Variants in ERC2 observed in about 807,000 individuals in gnomAD.
The protein encoded by ERC2 is ELKS/RAB6-interacting/CAST family member 2, also known as ERC protein 2.
In ERC2, 42 loss-of-function variants were observed where a neutral mutation model predicts 114.8. That is an observed-to-expected ratio of 0.37 (90% CI 0.29 to 0.47). ERC2 has a LOEUF of 0.47. ERC2 is among the 20% of genes least tolerant of loss of function. ERC2 has a pLI of 0.99. For synonymous variants in ERC2, 454 were observed against 425.5 expected, an observed-to-expected ratio of 1.07 and a Z score of -0.82; for missense variants, 939 against 1,150.7, an observed-to-expected ratio of 0.82 and a Z score of 2.66.
chr3:56,137,040 A>G (rs1053911107), intron 6 of ERC2, among the ~76,000 whole-genome samples: 20 of 152,190 alleles, frequency 1.3e-4, no homozygotes, highest in Admixed American at 1.2e-3. Context: ...TTCATGAAAT[A>G]TGTATAGGTC....
At chr3:56,381,556 A>T (rs1381710717) in intron 2 of ERC2, among the ~76,000 whole-genome samples, 2 of 152,112 alleles carry the variant, frequency 1.3e-5, no homozygotes, top group African/African-American at 2.4e-5. Context: ...TTTAAAAAAA[A>T]ATATGTTAGC....
intron 3 of ERC2, 96 bp from the exon 4 acceptor site, chr3:56,173,616 TC>T (rs2082803371): frequency 8.7e-7 from 1 of 1,146,520 alleles, no homozygotes; most frequent in Non-Finnish European, 1.3e-6. Context: ...GGGTCCTGGT[TC>T]CCCTTGCACA....
At chr3:56,227,134 C>T (rs1575949279) in intron 3 of ERC2, among the ~76,000 whole-genome samples, 1 of 152,204 alleles carries the variant, frequency 6.6e-6, no homozygotes, top group Non-Finnish European at 1.5e-5. Context: ...TTTGCAAATA[C>T]CCTCACATCC....
At chr3:56,131,008 A>G (rs1416719183) in intron 6 of ERC2, among the ~76,000 whole-genome samples, 1 of 152,166 alleles carries the variant, frequency 6.6e-6, no homozygotes, top group Non-Finnish European at 1.5e-5. Context: ...GGGAGGGGAA[A>G]GTGTGTTGTT....
intron 6 of ERC2, among the ~76,000 whole-genome samples, chr3:56,116,779 G>C (rs545623736): frequency 2.0e-5 from 3 of 152,264 alleles, no homozygotes; most frequent in African/African-American, 7.2e-5. Flanking sequence ...ACATGCTCCA[G>C]CCTGAAGGAA....
At chr3:55,861,003 C>A (rs994667917) in intron 14 of ERC2, among the ~76,000 whole-genome samples, 11 of 152,190 alleles carry the variant, frequency 7.2e-5, no homozygotes, top group Non-Finnish European at 1.5e-4. Context: ...AACCAAAAAA[C>A]TAATTTCCCC....
chr3:56,010,533 T>C lies in ERC2; in HGVS notation c.1836A>G (p.Leu612=), dbSNP rs891228003. Reference sequence around the variant, plus strand: ...CTTTTCGGAAGGATTCTATCTCTTCTAGTCTTTCCCGATCATCTCTTTCTC... The same window carrying C: ...CTTTTCGGAAGGATTCTATCTCTTCCAGTCTTTCCCGATCATCTCTTTCTC... ...EQRERDDRER[L]EEIESFRKEN... Residue 612 remains leucine (L), a synonymous_variant, in exon 9 of 18, where the codon CTA becomes CTG. Transcript: ENST00000288221. 2 of 1,613,710 alleles carry C rather than the reference T, an allele frequency of 1.2e-6. No homozygotes were observed. Among genetic ancestry groups the C allele is most frequent in the Non-Finnish European group, 1.7e-6 (2 of 1,179,736 alleles).
intron 14 of ERC2, among the ~76,000 whole-genome samples, chr3:55,830,110 A>G (rs1336132100): frequency 2.0e-5 from 3 of 152,256 alleles, no homozygotes; most frequent in Non-Finnish European, 4.4e-5. Flanking sequence ...ATGACGTTAC[A>G]CAGAAGAAAA....
chr3:55,835,681 G>A (rs188374535), intron 14 of ERC2, among the ~76,000 whole-genome samples: 1 of 152,156 alleles, frequency 6.6e-6, no homozygotes, highest in Admixed American at 6.5e-5. Context: ...CATTCCCTTT[G>A]AAAACTGGCA....
intron 3 of ERC2, among the ~76,000 whole-genome samples, chr3:56,222,410 T>G (rs1352938077): frequency 2.0e-5 from 3 of 152,190 alleles, no homozygotes; most frequent in Non-Finnish European, 4.4e-5. Flanking sequence ...TGGAACACCA[T>G]GGACACACCA....
intron 3 of ERC2, among the ~76,000 whole-genome samples, chr3:56,259,605 TTATTA>T (rs2052771599): frequency 6.6e-6 from 1 of 151,966 alleles, no homozygotes; most frequent in Non-Finnish European, 1.5e-5. Context: ...ACCCTCTAGG[TTATTA>T]TATTATATAT....
intron 3 of ERC2, among the ~76,000 whole-genome samples, chr3:56,199,852 G>A (rs915638189): frequency 2.0e-5 from 3 of 152,056 alleles, no homozygotes; most frequent in African/African-American, 7.2e-5. Flanking sequence ...GCCATGTGGA[G>A]AATGGATGAA....
chr3:55,603,558 A>G (rs1030474480), intron 17 of ERC2, among the ~76,000 whole-genome samples: 1 of 150,226 alleles, frequency 6.7e-6, no homozygotes, highest in African/African-American at 2.5e-5. Context: ...CGTGAACCCC[A>G]TCTTACTGCA....
intron 2 of ERC2, among the ~76,000 whole-genome samples, chr3:56,308,106 C>T (rs896232695): frequency 6.6e-6 from 1 of 152,138 alleles, no homozygotes. Flanking sequence ...TCACATCCAC[C>T]ACTCACTCAT....
At chr3:56,394,117 A>G (rs1442268066) in intron 2 of ERC2, among the ~76,000 whole-genome samples, 1 of 152,194 alleles carries the variant, frequency 6.6e-6, no homozygotes, top group African/African-American at 2.4e-5. Context: ...GTCAGCCAAC[A>G]TGCCCATGGC....
chr3:56,115,386 G>A (rs979649370), intron 6 of ERC2, among the ~76,000 whole-genome samples: 48 of 152,148 alleles, frequency 3.2e-4, no homozygotes, highest in African/African-American at 1.1e-3. Context: ...ACTTGGGGAG[G>A]GCTAACCATA....
intron 12 of ERC2, among the ~76,000 whole-genome samples, chr3:55,978,432 T>C (rs2069774190): frequency 1.3e-5 from 2 of 152,218 alleles, no homozygotes; most frequent in Admixed American, 1.3e-4. Flanking sequence ...AATCTCTCAA[T>C]GGCTTGGGAG....
chr3:56,314,620 A>G (rs188035634), intron 2 of ERC2, among the ~76,000 whole-genome samples: 7 of 152,296 alleles, frequency 4.6e-5, no homozygotes, highest in Non-Finnish European at 8.8e-5. Flanking sequence ...CAAATAAAGC[A>G]ATAGCACATA....
intron 3 of ERC2, among the ~76,000 whole-genome samples, chr3:56,281,688 A>G (rs187193420): frequency 1.1e-4 from 16 of 152,310 alleles, no homozygotes; most frequent in Admixed American, 4.6e-4. Context: ...TTGTGCACCT[A>G]CTAAGTGCCG....
Sources: gnomAD v4.1 joint callset for allele counts (sites outside exome capture counted in the v4.1 genomes callset) on GRCh38, gnomAD v4.1.1 for gene constraint, MANE v1.5 for transcripts, NCBI Gene and HGNC (gene_info 2026-07-23, HGNC 2026-07-21) for gene names.